Variants in TBX19 observed in about 807,000 individuals in gnomAD.
TBX19 encodes T-box transcription factor 19.
A neutral mutation model predicts 40.9 loss-of-function variants in TBX19; 33 were observed. The observed-to-expected ratio is 0.81, with a 90% confidence interval of 0.61 to 1.08. TBX19 has a LOEUF of 1.08. Among genes scored for constraint, TBX19 ranks in the 50% least tolerant of loss-of-function variants. The probability of loss-of-function intolerance (pLI) is 0.00; values close to 1 mark genes in which losing one functional copy is unlikely to be tolerated. For missense variants in TBX19, 494 were observed against 574.0 expected (o/e 0.86, Z 1.42); for synonymous variants, 220 against 225.0 (o/e 0.98, Z 0.20).
chr1:168,310,778 TA>T (rs1354736548), intron 7 of TBX19, among the ~76,000 whole-genome samples: 1 of 146,194 alleles, frequency 6.8e-6, no homozygotes, highest in African/African-American at 2.5e-5. Context: ...TTAATATATA[TA>T]ATTTGTATAA....
chr1:168,295,495 G>A (rs1297263546), intron 3 of TBX19, among the ~76,000 whole-genome samples: 1 of 152,174 alleles, frequency 6.6e-6, no homozygotes, highest in Non-Finnish European at 1.5e-5. Context: ...GTGAAATGAA[G>A]TTGCAGATTT....
intron 4 of TBX19, among the ~76,000 whole-genome samples, chr1:168,298,923 C>G (rs1210374141): frequency 7.4e-6 from 1 of 134,964 alleles, no homozygotes; most frequent in Non-Finnish European, 1.6e-5. Context: ...TTCTTTCATT[C>G]TTCCTTCCTT....
rs769403595 is a variant in TBX19 at position 168,293,216 on chromosome 1, G to A, written c.541G>A (p.Val181Ile). The change falls in exon 3 of 8, where the codon GTA becomes ATA. Residue 181 changes from valine to isoleucine, a missense_variant. Physicochemically the swap from Val to Ile is conservative, Grantham distance 29 (BLOSUM62 3). This residue lies in a region of TBX19 where 201 missense variants were observed against 235.2 expected (regional missense o/e 0.85). Transcript: ENST00000367821. The part of the protein sequence containing the change: ...IVRVGSAHRM[V>I]TNCSFPETQF... ...GCGTGTTGGAAGTGCCCATCGAATG[G>A]TAACAAACTGCTCCTTCCCTGAAAC... The A allele has an allele frequency of 1.2e-6, 2 of 1,613,464 alleles. No homozygotes were observed. Among genetic ancestry groups the A allele is most frequent in the African/African-American group, 2.7e-5 (2 of 74,772 alleles).
At chr1:168,293,652 C>G (rs941559112) in intron 3 of TBX19, among the ~76,000 whole-genome samples, 2 of 152,148 alleles carry the variant, frequency 1.3e-5, no homozygotes, top group African/African-American at 4.8e-5. Flanking sequence ...AGGTCTCCTG[C>G]TCTAGAAGCA....
At chr1:168,308,711 C>G (rs1159667786) in intron 6 of TBX19, 31 bp from the exon 7 acceptor site, 4 of 1,613,866 alleles carry the variant, frequency 2.5e-6, no homozygotes, top group Non-Finnish European at 3.4e-6. Flanking sequence ...TCTACATTTG[C>G]TATCAATTCA....
rs34885709 is a variant in TBX19 at position 168,312,777 on chromosome 1, C to T, written c.1122C>T (p.His374=). The T allele has an allele frequency of 1.2e-3, 1,977 of 1,614,216 alleles. 18 individuals carry two copies. In the African/African-American group the frequency reaches 0.018, roughly 15 times the overall value. The change falls in exon 8 of 8, where the codon CAC becomes CAT. Residue 374 remains histidine (H), a synonymous_variant. Coordinates refer to ENST00000367821, the MANE Select transcript of TBX19 (RefSeq NM_005149.3). ...CCAGTGGGCCAGGCCCGGAGGTGCA[C>T]GCCAGCACCCCAGGAGCATTTCTCC... The part of the protein sequence containing the change: ...GGPSGPGPEV[H]ASTPGAFLLG...
At chr1:168,287,038 G>T (rs1278368268) in intron 1 of TBX19, among the ~76,000 whole-genome samples, 1 of 152,158 alleles carries the variant, frequency 6.6e-6, no homozygotes, top group Non-Finnish European at 1.5e-5. Flanking sequence ...GTACAGCTCT[G>T]ACCATAGCAT....
At chr1:168,292,367 G>T (rs1224250823) in intron 2 of TBX19, among the ~76,000 whole-genome samples, 1 of 152,224 alleles carries the variant, frequency 6.6e-6, no homozygotes, top group Non-Finnish European at 1.5e-5. Context: ...CTCAGAGAGA[G>T]TGTAGCCATC....
Position 168,300,440 on chromosome 1 carries a change from A to G in TBX19, c.684A>G (p.Val228=), listed in dbSNP as rs1398737771. Residue 228 remains valine (V), a synonymous_variant, in exon 5 of 8, where the codon GTA becomes GTG. Transcript: ENST00000367821. ...CTTTCAGAAATCACCTAAGAGACGTACCGGAGGCTATCTCTGAGAGCCAGC... is the reference window on the plus strand; with the variant it reads ...CTTTCAGAAATCACCTAAGAGACGTGCCGGAGGCTATCTCTGAGAGCCAGC... ...DAKERNHLRD[V]PEAISESQHV... is the part of the protein sequence containing the mutation. 6.2e-7 allele frequency: 1 copy of G among 1,614,042 alleles called. No homozygotes were observed. The highest frequency in any genetic ancestry group is 8.5e-7 in the Non-Finnish European group (1 of 1,180,024).
chr1:168,305,360 A>C (rs1218871735), intron 6 of TBX19, among the ~76,000 whole-genome samples, 164 bp downstream of exon 6: 1 of 151,878 alleles, frequency 6.6e-6, no homozygotes, highest in African/African-American at 2.4e-5. Flanking sequence ...TTGTTATTTT[A>C]TGTACAAATA....
chr1:168,298,885 T>TTCTCTCTCTCTC (rs1649196413), intron 4 of TBX19, among the ~76,000 whole-genome samples: 1 of 122,006 alleles, frequency 8.2e-6, no homozygotes, highest in Non-Finnish European at 1.6e-5. Flanking sequence ...CTTTCTTTCT[T>TTCTCTCTCTCTC]TCTTTCTTTC....
In TBX19 at chr1:168,313,434, T is replaced by C; in HGVS notation, c.*432T>C. 3.7e-6 allele frequency: 1 copy of C among 267,220 alleles called. No individual in the cohort carries two copies. The highest frequency in any genetic ancestry group is 7.3e-6 in the Non-Finnish European group (1 of 137,886). The allele number at this position is 267,220 out of a possible 1,614,324, so 16.6% of individuals were successfully genotyped here. A position where few individuals can be genotyped will look rare whatever the true frequency, so the allele number is the denominator to read the frequency against. ...TGGAAAGTATGTGTGGCCACAGGGC[T>C]CAGGTTCACACTTCTGCTTTGAGAC... On this transcript the variant is annotated 3_prime_UTR_variant, in exon 8 of 8. Coordinates refer to ENST00000367821, the MANE Select transcript of TBX19 (RefSeq NM_005149.3).
In TBX19 at chr1:168,305,151, G is replaced by C. The variant is rs1160496396; in HGVS notation, c.871G>C (p.Ala291Pro). ...HYSGLRGHRQ[A>P]PYPSAYMHRN... ...TTCGGGTCTCCGAGGACACCGGCAG[G>C]CTCCCTACCCTTCTGCGTACATGCA... Residue 291 changes from alanine to proline, a missense_variant, in exon 6 of 8, where the codon GCT becomes CCT. Ala to Pro is a conservative substitution (Grantham distance 27). Transcript: ENST00000367821. 11 of 1,613,528 alleles carry C rather than the reference G, an allele frequency of 6.8e-6. No individual in the cohort carries two copies. The highest frequency in any genetic ancestry group is 6.7e-5 in the East Asian group (3 of 44,882).
chr1:168,293,409 CT>C, intron 3 of TBX19, 131 bp downstream of exon 3: 1 of 1,205,584 alleles, frequency 8.3e-7, no homozygotes, highest in Non-Finnish European at 1.2e-6. Flanking sequence ...TTTGGATACA[CT>C]CAGCAGACAT....
intron 1 of TBX19, among the ~76,000 whole-genome samples, chr1:168,284,768 C>CA (rs146281397): frequency 0.053 from 3,990 of 74,876 alleles, 128 homozygotes; most frequent in African/African-American, 0.071. Context: ...GACCGTGTCT[C>CA]AAAAAAAAAA....
rs1473456445 is a variant in TBX19 at position 168,293,040 on chromosome 1, G to C, written c.469-104G>C. 8 of 1,582,750 alleles carry C rather than the reference G, an allele frequency of 5.1e-6. No homozygotes were observed. In the African/African-American group the frequency reaches 9.4e-5, roughly 19 times the overall value. On this transcript the variant is annotated intron_variant, in intron 2 of 7. Transcript: ENST00000367821. ...GGATTTGAAATGTGTGTCCCTAACC[G>C]GGGTGGTGCTAAGCTTGGGACCAAC... is the stretch of plus-strand genomic sequence containing the variant.
intron 7 of TBX19, among the ~76,000 whole-genome samples, chr1:168,310,401 A>G (rs1649492954): frequency 6.6e-6 from 1 of 152,014 alleles, no homozygotes. Context: ...GCTTAGAATC[A>G]CCTGGGGTTG....
intron 1 of TBX19, among the ~76,000 whole-genome samples, 199 bp from the exon 2 acceptor site, chr1:168,290,961 T>C (rs1648922977): frequency 6.6e-6 from 1 of 152,154 alleles, no homozygotes; most frequent in Non-Finnish European, 1.5e-5. Flanking sequence ...AAACGGAGCA[T>C]GTTTTAAAGT....
At chr1:168,305,219 C>A (rs1649372971) in intron 6 of TBX19, 23 bp downstream of exon 6, 1 of 1,606,248 alleles carries the variant, frequency 6.2e-7, no homozygotes, top group South Asian at 1.1e-5. Context: ...GCTGATTAAA[C>A]CCTTGGGGTA....
Sources: gnomAD v4.1 joint callset for allele counts (sites outside exome capture counted in the v4.1 genomes callset) on GRCh38, gnomAD v4.1.1 for gene constraint, gnomAD v4.1.1 regional missense constraint, MANE v1.5 for transcripts, NCBI Gene and HGNC (gene_info 2026-07-23, HGNC 2026-07-21) for gene names.